FNBP1: variants seen among roughly 807,000 people sequenced by gnomAD.
FNBP1 encodes the protein formin binding protein 1.
A neutral mutation model predicts 90.6 loss-of-function variants in FNBP1; 26 were observed. The ratio of observed to expected loss-of-function variants is 0.29; its 90% CI spans 0.21 to 0.40. The LOEUF (loss-of-function observed/expected upper bound fraction) is 0.40. Among genes scored for constraint, FNBP1 ranks in the 10% least tolerant of loss-of-function variants. FNBP1 has a pLI of 1.00. For missense variants in FNBP1, 635 were observed against 768.0 expected, an observed-to-expected ratio of 0.83 and a Z score of 2.05; for synonymous variants, 260 against 265.2, an observed-to-expected ratio of 0.98 and a Z score of 0.19.
At position 129,908,986 on chromosome 9, in the gene FNBP1, T is replaced by G. The variant is rs2038702915; in HGVS notation, c.1199A>C (p.Glu400Ala). The G allele has an allele frequency of 6.2e-7, 1 of 1,612,428 alleles. No homozygotes were observed. The highest frequency in any genetic ancestry group is 8.5e-7 in the Non-Finnish European group (1 of 1,178,768). ...GLSLKLGATPEDFSNLPPEQR... is the reference protein window; with the variant it reads ...GLSLKLGATPADFSNLPPEQR... ...TTCAGGTGGGAGGTTGCTGAAATCC[T>G]CCGGTGTTGCACCCTGCAGACACAA... The change falls in exon 12 of 17, where the codon GAG becomes GCG. Residue 400 changes from glutamate to alanine, a missense_variant. Glu to Ala is a moderately radical substitution (Grantham distance 107). Transcript: ENST00000446176.
intron 16 of FNBP1, among the ~76,000 whole-genome samples, chr9:129,894,573 G>A (rs775788007): frequency 2.0e-5 from 3 of 152,224 alleles, no homozygotes; most frequent in Non-Finnish European, 4.4e-5. Context: ...CTGTGTCTGT[G>A]GGGAGAAGCA....
chr9:129,929,433 AAAT>A, intron 7 of FNBP1, 131 bp downstream of exon 7: 34 of 778,246 alleles, frequency 4.4e-5, no homozygotes, highest in South Asian at 1.1e-4. Context: ...AAAAAAAAAA[AAAT>A]TAGTGGAAAT....
intron 2 of FNBP1, among the ~76,000 whole-genome samples, chr9:129,988,330 T>TTGG (rs2052605004): frequency 6.6e-5 from 10 of 151,472 alleles, no homozygotes; most frequent in African/African-American, 2.2e-4. Context: ...TATACTACCT[T>TTGG]GAATAGATAG....
chr9:130,008,858 T>C (rs989019759), intron 1 of FNBP1, among the ~76,000 whole-genome samples: 1 of 152,014 alleles, frequency 6.6e-6, no homozygotes, highest in African/African-American at 2.4e-5. Context: ...CCATAGGTGA[T>C]TCTCTCCCCC....
At chr9:129,959,162 T>C (rs183710849) in intron 4 of FNBP1, among the ~76,000 whole-genome samples, 60 of 151,818 alleles carry the variant, frequency 4.0e-4, no homozygotes, top group African/African-American at 1.3e-3. Flanking sequence ...CCAGGCATGG[T>C]GGTGAGCACA....
At chr9:130,036,855 C>T (rs1450944659) in intron 1 of FNBP1, among the ~76,000 whole-genome samples, 1 of 151,736 alleles carries the variant, frequency 6.6e-6, no homozygotes, top group Non-Finnish European at 1.5e-5. Flanking sequence ...ACCATCCTGG[C>T]TAACAAGGTG....
rs1047311119 is a variant in FNBP1, at chr9:130,042,964, G to A, written c.12C>T (p.Gly4=). 11 of 1,226,700 alleles carry A rather than the reference G, an allele frequency of 9.0e-6. No homozygotes were observed. Among genetic ancestry groups the A allele is most frequent in the Non-Finnish European group, 1.1e-5 (11 of 984,262 alleles). The allele number at this position is 1,226,700 out of a possible 1,614,324, so 76.0% of individuals were successfully genotyped here. Residue 4 remains glycine (G), a synonymous_variant, in exon 1 of 17, where the codon GGC becomes GGT. Coordinates refer to ENST00000446176, the MANE Select transcript of FNBP1 (RefSeq NM_015033.3). This position sits in a 1 kb window ranked among gnomAD's most constrained non-coding sequence, Gnocchi z 5.5. The part of the protein sequence containing the change: MSW[G]TELWDQFDNL... ...GCCCCTCACTCACCCAGAGCTCGGT[G>A]CCCCAGCTCATGGTGCAGGGGACGC...
intron 4 of FNBP1, among the ~76,000 whole-genome samples, chr9:129,962,494 C>G (rs2047982672): frequency 6.6e-6 from 1 of 152,166 alleles, no homozygotes; most frequent in African/African-American, 2.4e-5. Context: ...TTTCCCGTAC[C>G]TCGTCAGAAC....
intron 2 of FNBP1, among the ~76,000 whole-genome samples, chr9:129,987,218 C>T (rs1186819794): frequency 1.3e-5 from 2 of 151,970 alleles, no homozygotes; most frequent in South Asian, 2.1e-4. Context: ...CAAGAAAGAA[C>T]GCAGGGAACA....
intron 1 of FNBP1, among the ~76,000 whole-genome samples, chr9:130,012,796 C>T (rs2056786957): frequency 2.0e-5 from 3 of 152,238 alleles, no homozygotes; most frequent in South Asian, 4.1e-4. Flanking sequence ...CGTGCCACCA[C>T]ACCAGGCTAA....
At chr9:130,049,048 G>C in the FNBP1 span, among the ~76,000 whole-genome samples, 5 of 151,954 alleles carry the variant, frequency 3.3e-5, no homozygotes, top group Non-Finnish European at 7.4e-5. Context: ...CAAAGTGCTG[G>C]GATTACAGGC....
intron 6 of FNBP1, among the ~76,000 whole-genome samples, chr9:129,941,302 T>G (rs970551501): frequency 2.0e-5 from 3 of 152,112 alleles, no homozygotes; most frequent in Non-Finnish European, 2.9e-5. Flanking sequence ...GGCAGGAGAA[T>G]CACTTGAACA....
intron 7 of FNBP1, among the ~76,000 whole-genome samples, chr9:129,928,657 T>A (rs2042268940): frequency 6.9e-6 from 1 of 145,502 alleles, no homozygotes; most frequent in African/African-American, 2.5e-5. Context: ...CAAGACTCCA[T>A]CTCAAAAAAA....
intron 6 of FNBP1, among the ~76,000 whole-genome samples, chr9:129,942,551 T>C (rs1195130647): frequency 6.6e-6 from 1 of 152,202 alleles, no homozygotes; most frequent in Non-Finnish European, 1.5e-5. Context: ...GGAGCTTATT[T>C]AATACAATCC....
At chr9:129,909,875 G>A (rs139466609) in intron 11 of FNBP1, among the ~76,000 whole-genome samples, 23 of 152,266 alleles carry the variant, frequency 1.5e-4, no homozygotes, top group African/African-American at 4.3e-4. Context: ...ATGAGCCGCC[G>A]CGCCCAGCCT....
intron 16 of FNBP1, among the ~76,000 whole-genome samples, chr9:129,893,880 C>T (rs1005776093): frequency 4.0e-4 from 58 of 146,664 alleles, no homozygotes; most frequent in African/African-American, 1.4e-3. Context: ...TGTGCCACCG[C>T]ACTCCATCCT....
intron 6 of FNBP1, among the ~76,000 whole-genome samples, chr9:129,949,077 C>G (rs1014040460): frequency 4.6e-5 from 7 of 151,990 alleles, no homozygotes; most frequent in Non-Finnish European, 7.4e-5. Context: ...AGCAGGGGAG[C>G]CTGTTTCACC....
chr9:129,955,390 T>C lies in FNBP1; in HGVS notation c.513+1970A>G, dbSNP rs552912068. Among the ~76,000 whole-genome samples the C allele has an allele frequency of 1.4e-3, 208 of 151,944 alleles. 1 individual carries two copies. The highest frequency in any genetic ancestry group is 4.7e-3 in the African/African-American group (195 of 41,440). On this transcript the variant is annotated intron_variant, in intron 6 of 16. Coordinates refer to ENST00000446176, the MANE Select transcript of FNBP1 (RefSeq NM_015033.3). ...CTGGGACCACAGACATGGGCTACCATGCTCCACTAATTTTTCTGTATTTTT... is the reference window on the plus strand; with the variant it reads ...CTGGGACCACAGACATGGGCTACCACGCTCCACTAATTTTTCTGTATTTTT...
the FNBP1 span, among the ~76,000 whole-genome samples, chr9:130,051,923 C>T: frequency 2.0e-5 from 3 of 152,168 alleles, no homozygotes; most frequent in African/African-American, 7.2e-5. Flanking sequence ...TCAGTCAATA[C>T]CTTAAAGTGT....
Sources: gnomAD v4.1 joint callset for allele counts (sites outside exome capture counted in the v4.1 genomes callset) on GRCh38, gnomAD v4.1.1 for gene constraint, Gnocchi (gnomAD v3.1) non-coding constraint, MANE v1.5 for transcripts, NCBI Gene and HGNC (gene_info 2026-07-23, HGNC 2026-07-21) for gene names.